CREB1: variants seen among roughly 807,000 people sequenced by gnomAD.
CREB1 encodes the protein cyclic AMP-responsive element-binding protein 1.
In CREB1, 2 loss-of-function variants were observed where a neutral mutation model predicts 42.0. That is an observed-to-expected ratio of 0.05 (90% CI 0.02 to 0.15). The LOEUF is 0.15. Among genes scored for constraint, CREB1 ranks in the 10% least tolerant of loss-of-function variants. The probability of loss-of-function intolerance (pLI) is 1.00; values close to 1 mark genes in which losing one functional copy is unlikely to be tolerated. For synonymous variants in CREB1, 123 were observed against 139.9 expected (o/e 0.88, Z 0.85); for missense variants, 199 against 388.9 (o/e 0.51, Z 4.11).
chr2:207,551,052 C>T (rs1016474633), intron 1 of CREB1, among the ~76,000 whole-genome samples: 8 of 152,140 alleles, frequency 5.3e-5, no homozygotes, highest in Admixed American at 2.6e-4. Context: ...TGCTCATTTC[C>T]ATACAGGGCT....
intron 6 of CREB1, 44 bp from the exon 7 acceptor site, chr2:207,577,461 G>A: frequency 6.3e-7 from 1 of 1,598,880 alleles, no homozygotes; most frequent in Non-Finnish European, 8.6e-7. Context: ...ATTGAATCAA[G>A]TTGCAATGTT....
chr2:207,600,014 A>G lies in CREB1; in HGVS notation c.*2956A>G, dbSNP rs1026256401. 4 of 190,078 alleles carry G rather than the reference A, an allele frequency of 2.1e-5. No homozygotes were observed. The highest frequency in any genetic ancestry group is 1.9e-4 in the South Asian group (1 of 5,170). 11.8% of individuals were successfully genotyped at this position (190,078 alleles called of 1,614,324 possible). ...AAGTGGGGAGGGGTTTATTTTTGAT[A>G]TATTACTCTTATGAGTTTTCAAGCT... On this transcript the variant is annotated 3_prime_UTR_variant, in exon 8 of 8. Coordinates refer to ENST00000353267, the MANE Select transcript of CREB1 (RefSeq NM_004379.5).
intron 7 of CREB1, among the ~76,000 whole-genome samples, chr2:207,590,669 AT>A (rs2084863518): frequency 6.6e-6 from 1 of 152,052 alleles, no homozygotes. Context: ...GATAGTAAAT[AT>A]TTCAGGCTTT....
chr2:207,548,026 C>T (rs1276025768), intron 1 of CREB1, among the ~76,000 whole-genome samples: 1 of 152,010 alleles, frequency 6.6e-6, no homozygotes, highest in African/African-American at 2.4e-5. Context: ...CCCCCACCTC[C>T]CGGGTACAGC....
intron 7 of CREB1, chr2:207,580,932 CGTG>C (rs2082886116): frequency 4.6e-6 from 1 of 216,972 alleles, no homozygotes; most frequent in Non-Finnish European, 9.3e-6. Context: ...TACATCTACT[CGTG>C]ATCTGTTAGC....
At chr2:207,582,797 G>A in intron 7 of CREB1, 1 of 289,220 alleles carries the variant, frequency 3.5e-6, no homozygotes, top group Non-Finnish European at 7.1e-6. Flanking sequence ...GGCGGCTGAG[G>A]CAGAAGAATT....
At chr2:207,530,538 C>A (rs1183906692) in intron 1 of CREB1, among the ~76,000 whole-genome samples, 5 of 145,822 alleles carry the variant, frequency 3.4e-5, no homozygotes, top group African/African-American at 1.2e-4. Flanking sequence ...CCGGGGGAGG[C>A]CGCCCGCTCG....
At chr2:207,591,314 T>C (rs904574578) in intron 7 of CREB1, among the ~76,000 whole-genome samples, 3 of 152,256 alleles carry the variant, frequency 2.0e-5, no homozygotes, top group Admixed American at 6.5e-5. Context: ...AATTATGTCT[T>C]CTTAGAGGAT....
rs1398903777 is a variant in CREB1, at chr2:207,600,230, T to C, written c.*3172T>C. ...TGGGGGGGGTGGCATTTGTATAATA[T>C]ATGTGTACATATATATATATATATA... On this transcript the variant is annotated 3_prime_UTR_variant, in exon 8 of 8. Transcript: ENST00000353267. 4.7e-5 allele frequency: 5 copies of C among 106,578 alleles called. No homozygotes were observed. Among genetic ancestry groups the C allele is most frequent in the Non-Finnish European group, 9.6e-5 (5 of 52,274 alleles). 6.6% of individuals were successfully genotyped at this position (106,578 alleles called of 1,614,324 possible). A position where few individuals can be genotyped will look rare whatever the true frequency, so the allele number is the denominator to read the frequency against.
At position 207,545,260 on chromosome 2, in the gene CREB1, T is replaced by C. The variant is rs535052440; in HGVS notation, c.-8-10368T>C. ...TCTCACTCTGTTGCCCAGACTGGAG[T>C]GCAGTGGCATGATCTCGGCTCACTG... is the stretch of plus-strand genomic sequence containing the variant. On this transcript the variant is annotated intron_variant, in intron 1 of 7. Transcript: ENST00000353267. Among the ~76,000 whole-genome samples, 224 of 152,278 alleles carry C rather than the reference T, an allele frequency of 1.5e-3. 1 individual carries two copies. Among genetic ancestry groups the C allele is most frequent in the Non-Finnish European group, 2.3e-3 (159 of 68,022 alleles).
chr2:207,545,195 G>C (rs972569943), intron 1 of CREB1, among the ~76,000 whole-genome samples: 1 of 152,196 alleles, frequency 6.6e-6, no homozygotes, highest in African/African-American at 2.4e-5. Flanking sequence ...GCATTCCAGA[G>C]AAAGGTTCTT....
At chr2:207,548,511 GA>G (rs1209644067) in intron 1 of CREB1, among the ~76,000 whole-genome samples, 2 of 152,154 alleles carry the variant, frequency 1.3e-5, no homozygotes, top group African/African-American at 4.8e-5. Context: ...AGCACTTTGG[GA>G]GGCTGATGCG....
At position 207,560,322 on chromosome 2, in the gene CREB1, C is replaced by G; in HGVS notation, c.211C>G (p.Gln71Glu). Residue 71 changes from glutamine (Q) to glutamate (E), a missense_variant, in exon 3 of 8, where the codon CAG becomes GAG. Around this residue, in one of 4 missense-constraint regions of CREB1, gnomAD observed 66 missense variants for 150.8 expected, o/e 0.44. Coordinates refer to ENST00000353267, the MANE Select transcript of CREB1 (RefSeq NM_004379.5). ...GACAGTTCAAGTCCATGGAGTCATT[C>G]AGGCGGCCCAGCCATCAGTTATTCA... ...GQTVQVHGVIQAAQPSVIQSP... is the reference protein window; with the variant it reads ...GQTVQVHGVIEAAQPSVIQSP... The G allele has an allele frequency of 6.2e-7, 1 of 1,614,060 alleles. No individual in the cohort carries two copies. The highest frequency in any genetic ancestry group is 8.5e-7 in the Non-Finnish European group (1 of 1,179,920).
At chr2:207,577,070 A>G (rs955134427) in intron 6 of CREB1, 1 of 962,204 alleles carries the variant, frequency 1.0e-6, no homozygotes. Context: ...TCATTTTGCT[A>G]TTTTATGAAA....
At chr2:207,591,801 G>A (rs527803527) in intron 7 of CREB1, among the ~76,000 whole-genome samples, 3 of 152,234 alleles carry the variant, frequency 2.0e-5, no homozygotes, top group African/African-American at 7.2e-5. Context: ...TATATTTGAA[G>A]TGGGATTCTT....
chr2:207,575,369 T>G lies in CREB1; in HGVS notation c.603T>G (p.Thr201=), dbSNP rs764462455. The part of the protein sequence containing the change: ...QTLTMTNAAA[T]QPGTTILQYA... ...TAACCATGACCAATGCAGCAGCCAC[T>G]CAGCCGGGTACTACCATTCTACAGT... The change falls in exon 6 of 8, where the codon ACT becomes ACG. Residue 201 remains threonine (T), a synonymous_variant. Coordinates refer to ENST00000353267, the MANE Select transcript of CREB1 (RefSeq NM_004379.5). The G allele has an allele frequency of 1.2e-5, 20 of 1,614,020 alleles. No individual in the cohort carries two copies. The highest frequency in any genetic ancestry group is 1.7e-5 in the Non-Finnish European group (20 of 1,180,034).
chr2:207,532,675 A>C (rs1181397693), intron 1 of CREB1, among the ~76,000 whole-genome samples: 3 of 152,076 alleles, frequency 2.0e-5, no homozygotes, highest in Non-Finnish European at 4.4e-5. Context: ...ATCTCAAAAA[A>C]AAAAAAGTTT....
chr2:207,593,745 G>A (rs1363795723), intron 7 of CREB1, among the ~76,000 whole-genome samples: 1 of 143,474 alleles, frequency 7.0e-6, no homozygotes, highest in Admixed American at 7.0e-5. Flanking sequence ...TTTTTGAGAC[G>A]GAAACACCTA....
At chr2:207,573,104 G>C (rs2082435553) in intron 5 of CREB1, among the ~76,000 whole-genome samples, 1 of 152,100 alleles carries the variant, frequency 6.6e-6, no homozygotes, top group Admixed American at 6.6e-5. Context: ...TGGCAACTCA[G>C]ATTCTTAGCT....
Sources: allele counts gnomAD v4.1 joint callset (sites outside exome capture counted in the v4.1 genomes callset), GRCh38; gene constraint gnomAD v4.1.1; regional missense constraint gnomAD v4.1.1; transcripts MANE v1.5; gene names NCBI Gene and HGNC (gene_info 2026-07-23, HGNC 2026-07-21).